R3HDM1: variants seen among roughly 807,000 people sequenced by gnomAD.
The protein encoded by R3HDM1 is R3H domain-containing protein 1.
Under a neutral mutation model 141.1 loss-of-function variants are expected in R3HDM1, and 46 were observed. The observed-to-expected ratio is 0.33, with a 90% confidence interval of 0.26 to 0.42. The LOEUF is 0.42. Among genes scored for constraint, R3HDM1 ranks in the 10% least tolerant of loss-of-function variants. R3HDM1 has a pLI of 1.00. For synonymous variants in R3HDM1, 435 were observed against 472.9 expected, an observed-to-expected ratio of 0.92 and a Z score of 1.04; for missense variants, 1,184 against 1,368.3, an observed-to-expected ratio of 0.87 and a Z score of 2.12.
chr2:135,560,078 C>T (rs1014164970), intron 1 of R3HDM1, among the ~76,000 whole-genome samples: 1 of 152,200 alleles, frequency 6.6e-6, no homozygotes, highest in Non-Finnish European at 1.5e-5. Context: ...ATGGAAATCA[C>T]TTGGTCTTTG....
At chr2:135,644,365 TG>T (rs1276611088) in intron 15 of R3HDM1, among the ~76,000 whole-genome samples, 3 of 151,744 alleles carry the variant, frequency 2.0e-5, no homozygotes. Context: ...TAGCCGGGCG[TG>T]GTGGCAGGTG....
chr2:135,545,777 C>CA (rs1698565496), intron 1 of R3HDM1, among the ~76,000 whole-genome samples: 2 of 152,156 alleles, frequency 1.3e-5, no homozygotes, highest in African/African-American at 4.8e-5. Context: ...GTCTAAACAC[C>CA]AATCTTTAAT....
chr2:135,537,277 CTTTTTTTTTTTTT>C (rs1036767352), intron 1 of R3HDM1, among the ~76,000 whole-genome samples: 5 of 84,444 alleles, frequency 5.9e-5, no homozygotes, highest in South Asian at 5.2e-4. Flanking sequence ...ATTAGTCTGT[CTTTTTTTTTTTTT>C]TTTTTTTTTT....
chr2:135,617,043 G>T (rs1647875508), intron 5 of R3HDM1, among the ~76,000 whole-genome samples: 1 of 152,128 alleles, frequency 6.6e-6, no homozygotes, highest in Admixed American at 6.6e-5. Context: ...AAAAATGTTG[G>T]TCGGGTGCAG....
chr2:135,578,967 A>G (rs924758404), intron 1 of R3HDM1, among the ~76,000 whole-genome samples: 11 of 152,190 alleles, frequency 7.2e-5, no homozygotes, highest in African/African-American at 2.4e-4. Flanking sequence ...TATGAATACA[A>G]AAATACATAA....
At chr2:135,713,364 G>C (rs1478375667) in intron 23 of R3HDM1, among the ~76,000 whole-genome samples, 1 of 152,188 alleles carries the variant, frequency 6.6e-6, no homozygotes, top group Non-Finnish European at 1.5e-5. Context: ...CAAAGATCAA[G>C]TTATAAGCTC....
At chr2:135,717,003 A>G (rs6761305) in intron 24 of R3HDM1, among the ~76,000 whole-genome samples, 5,312 of 152,182 alleles carry the variant, frequency 0.035, 155 homozygotes, top group African/African-American at 0.075. Flanking sequence ...AGTATTCACA[A>G]TATGGTAAGT....
At chr2:135,648,925 T>C (rs2064793824) in intron 16 of R3HDM1, among the ~76,000 whole-genome samples, 1 of 151,890 alleles carries the variant, frequency 6.6e-6, no homozygotes, top group Non-Finnish European at 1.5e-5. Context: ...TTAATAGAAA[T>C]GTGTTAATTA....
chr2:135,635,446 ATATT>A (rs1364528917), intron 9 of R3HDM1, among the ~76,000 whole-genome samples: 5 of 152,206 alleles, frequency 3.3e-5, no homozygotes, highest in Non-Finnish European at 7.3e-5. Context: ...TTGTTCAATA[ATATT>A]TATATCAGTA....
chr2:135,616,871 C>A, intron 5 of R3HDM1, 114 bp downstream of exon 5: 1 of 914,046 alleles, frequency 1.1e-6, no homozygotes, highest in Non-Finnish European at 1.7e-6. Context: ...GAAACTTATT[C>A]AATAATACTT....
Position 135,553,798 on chromosome 2 carries a change from C to G in R3HDM1, c.-250+22165C>G, listed in dbSNP as rs377326234. Among the ~76,000 whole-genome samples, 42 of 152,360 alleles carry G rather than the reference C, an allele frequency of 2.8e-4. No homozygotes were observed. The South Asian group carries it at 8.3e-3, about 30-fold the overall frequency. On this transcript the variant is annotated intron_variant, in intron 1 of 26. Coordinates refer to ENST00000683871, the MANE Select transcript of R3HDM1 (RefSeq NM_001378107.1). ...CCTCTGCCTCCCGGGTCAAGCTATT[C>G]TCCTGCCTCAGCCTCCCAAGTAGCT...
intron 1 of R3HDM1, among the ~76,000 whole-genome samples, chr2:135,574,226 C>T (rs1342705561): frequency 6.6e-6 from 1 of 152,152 alleles, no homozygotes; most frequent in Admixed American, 6.5e-5. Flanking sequence ...CAAGAGACTA[C>T]TTAGCAGACC....
chr2:135,644,104 C>G (rs1427513486), intron 15 of R3HDM1, among the ~76,000 whole-genome samples: 2 of 152,112 alleles, frequency 1.3e-5, no homozygotes, highest in Non-Finnish European at 2.9e-5. Context: ...AGTGAAATCA[C>G]ACACACACAG....
chr2:135,531,925 C>T (rs1174715053), intron 1 of R3HDM1, among the ~76,000 whole-genome samples: 1 of 152,250 alleles, frequency 6.6e-6, no homozygotes, highest in African/African-American at 2.4e-5. Flanking sequence ...CCACCGCCCC[C>T]ACCCGGGGGC....
chr2:135,688,363 A>G (rs368520774), intron 21 of R3HDM1, among the ~76,000 whole-genome samples: 12 of 152,342 alleles, frequency 7.9e-5, no homozygotes, highest in Admixed American at 5.2e-4. Flanking sequence ...AGGCCACTCT[A>G]GAAAGTCCTA....
chr2:135,632,052 T>C, intron 9 of R3HDM1, 51 bp downstream of exon 9: 1 of 1,356,532 alleles, frequency 7.4e-7, no homozygotes, highest in East Asian at 2.7e-5. Context: ...TAATAATACT[T>C]TATCTTTCTA....
intron 1 of R3HDM1, among the ~76,000 whole-genome samples, chr2:135,547,398 C>A (rs747777248): frequency 2.0e-5 from 3 of 151,818 alleles, no homozygotes; most frequent in Admixed American, 6.6e-5. Context: ...TTAATGCTTC[C>A]ATCAGTTTAT....
chr2:135,674,295 A>G (rs2068816272), intron 19 of R3HDM1, among the ~76,000 whole-genome samples: 1 of 152,218 alleles, frequency 6.6e-6, no homozygotes, highest in Non-Finnish European at 1.5e-5. Flanking sequence ...ATGAAAACTG[A>G]TAACAAAATG....
intron 1 of R3HDM1, among the ~76,000 whole-genome samples, chr2:135,579,034 G>T (rs1221046890): frequency 6.6e-6 from 1 of 152,142 alleles, no homozygotes; most frequent in Non-Finnish European, 1.5e-5. Flanking sequence ...GCTCTGTCCT[G>T]AGAGAGCCAG....
Sources: gnomAD v4.1 joint callset for allele counts (sites outside exome capture counted in the v4.1 genomes callset) on GRCh38, gnomAD v4.1.1 for gene constraint, MANE v1.5 for transcripts, NCBI Gene and HGNC (gene_info 2026-07-23, HGNC 2026-07-21) for gene names.